Variants in ALKBH1 observed in about 807,000 individuals in gnomAD.
ALKBH1 encodes the protein alkB homolog 1, histone H2A dioxygenase.
Under a neutral mutation model 36.6 loss-of-function variants are expected in ALKBH1, and 31 were observed. The observed-to-expected ratio is 0.85, with a 90% CI of 0.64 to 1.14. The LOEUF is 1.14. Ranked by LOEUF, ALKBH1 falls within the 50% of genes most tolerant of loss-of-function variation. The probability of loss-of-function intolerance (pLI) is 0.00; values close to 1 mark genes in which losing one functional copy is unlikely to be tolerated. For missense variants in ALKBH1, 490 were observed against 497.3 expected (o/e 0.99, Z 0.14); for synonymous variants, 183 against 186.6 (o/e 0.98, Z 0.16).
intron 3 of ALKBH1, among the ~76,000 whole-genome samples, chr14:77,686,652 T>G (rs2080270007): frequency 6.6e-6 from 1 of 152,092 alleles, no homozygotes; most frequent in Non-Finnish European, 1.5e-5. Context: ...TGAGACAGAG[T>G]CTCGTTTTGT....
rs2139845600 is a variant in ALKBH1 at position 77,679,906 on chromosome 14, C to A, written c.520G>T (p.Gly174Cys). The A allele has an allele frequency of 6.2e-7, 1 of 1,614,082 alleles. No homozygotes were observed. Among genetic ancestry groups the A allele is most frequent in the Non-Finnish European group, 8.5e-7 (1 of 1,179,964 alleles). ...LLEKLRWVTVGYHYNWDSKKY... is the reference protein window; with the variant it reads ...LLEKLRWVTVCYHYNWDSKKY... ...TTACTGTCCCAGTTATAATGGTAGC[C>A]TACGGTCACCCAACGCAGTTTCTCC... Residue 174 changes from glycine (G) to cysteine (C), a missense_variant, in exon 4 of 6, where the codon GGC (glycine) becomes TGC (cysteine). Transcript: ENST00000216489.
intron 3 of ALKBH1, among the ~76,000 whole-genome samples, chr14:77,689,716 A>G (rs965878824): frequency 2.0e-5 from 3 of 152,194 alleles, no homozygotes; most frequent in African/African-American, 7.2e-5. Flanking sequence ...GGAGAGGATT[A>G]ATTCTGCTTC....
chr14:77,698,760 T>C (rs1000639945), intron 2 of ALKBH1, among the ~76,000 whole-genome samples: 29 of 152,188 alleles, frequency 1.9e-4, no homozygotes, highest in African/African-American at 6.7e-4. Context: ...AGTTATTTGG[T>C]CTCTTTATTT....
In ALKBH1 at chr14:77,694,748, C is replaced by G; in HGVS notation, c.445G>C (p.Glu149Gln). 6.3e-7 allele frequency: 1 copy of G among 1,590,090 alleles called. No individual in the cohort carries two copies. The highest frequency in any genetic ancestry group is 8.5e-7 in the Non-Finnish European group (1 of 1,170,642). The part of the protein sequence containing the change: ...ETQDLWEQSK[E>Q]FLRYKEATKR... ...ATTGACAAGACTTACCTCAGGAACT[C>G]TTTGCTCTGTTCCCACAGATCTTGG... Residue 149 changes from glutamate to glutamine, a missense_variant, in exon 3 of 6, where the codon GAG (glutamate) becomes CAG (glutamine). Coordinates refer to ENST00000216489, the MANE Select transcript of ALKBH1 (RefSeq NM_006020.3).
intron 3 of ALKBH1, among the ~76,000 whole-genome samples, chr14:77,682,970 T>C (rs2080246409): frequency 6.6e-6 from 1 of 152,168 alleles, no homozygotes; most frequent in Non-Finnish European, 1.5e-5. Flanking sequence ...GTGCTGGGAT[T>C]ACAGGCGTGA....
At chr14:77,679,558 G>C (rs1488160072) in intron 4 of ALKBH1, among the ~76,000 whole-genome samples, 2 of 152,076 alleles carry the variant, frequency 1.3e-5, no homozygotes, top group Non-Finnish European at 2.9e-5. Context: ...AGCCTCTTGA[G>C]TAGCTGGGAC....
chr14:77,685,519 G>A (rs1226737436), intron 3 of ALKBH1, among the ~76,000 whole-genome samples: 1 of 152,036 alleles, frequency 6.6e-6, no homozygotes, highest in Non-Finnish European at 1.5e-5. Flanking sequence ...GCTCACGCTT[G>A]TAATCCTAGC....
At chr14:77,691,567 G>A (rs1169564938) in intron 3 of ALKBH1, among the ~76,000 whole-genome samples, 3 of 152,108 alleles carry the variant, frequency 2.0e-5, no homozygotes, top group East Asian at 1.9e-4. Flanking sequence ...ACTGAAGCAC[G>A]TATCACATAG....
chr14:77,681,865 T>G (rs917827583), intron 3 of ALKBH1, among the ~76,000 whole-genome samples: 2 of 152,230 alleles, frequency 1.3e-5, no homozygotes, highest in Admixed American at 1.3e-4. Context: ...TTTCACAGAT[T>G]TTGTCACAAC....
rs376081745 is a variant in ALKBH1 at position 77,704,465 on chromosome 14, G to A, written c.196C>T (p.Gln66Ter). ...GPGAQKVIKS[Q>*]LNVSSVSEQN... ...TCACTGACAGAAGACACATTTAGCTGAGATTTGATCACCTGGCAGGAAGGA... is the reference window on the plus strand; with the variant it reads ...TCACTGACAGAAGACACATTTAGCTAAGATTTGATCACCTGGCAGGAAGGA... Residue 66 changes from glutamine to a stop codon, truncating the protein, a stop_gained, in exon 2 of 6, where the codon CAG becomes TAG. Coordinates refer to ENST00000216489, the MANE Select transcript of ALKBH1 (RefSeq NM_006020.3). LOFTEE classifies it high-confidence loss of function. 413 of 1,613,814 alleles carry A rather than the reference G, an allele frequency of 2.6e-4. No individual in the cohort carries two copies. The highest frequency in any genetic ancestry group is 3.3e-4 in the Non-Finnish European group (395 of 1,179,866).
chr14:77,707,708 G>C (rs2080403577), intron 1 of ALKBH1, 114 bp downstream of exon 1: 4 of 1,248,008 alleles, frequency 3.2e-6, no homozygotes, highest in South Asian at 3.4e-5. Context: ...AGGAGGTCAG[G>C]AATCGTTCAA....
intron 5 of ALKBH1, 63 bp downstream of exon 5, chr14:77,675,593 A>C (rs1159105958): frequency 6.9e-7 from 1 of 1,450,116 alleles, no homozygotes; most frequent in East Asian, 2.3e-5. Context: ...TTTTAGAGTA[A>C]AATGTCTTAG....
rs183205745 is a variant in ALKBH1 at position 77,680,291 on chromosome 14, G to C, written c.456-321C>G. ...GAGAAATGTCTTTACCTGTCCATGG[G>C]AAATGGTACCAAGAGCACTATGGGC... On this transcript the variant is annotated intron_variant, in intron 3 of 5. Transcript: ENST00000216489. Among the ~76,000 whole-genome samples the C allele has an allele frequency of 3.9e-5, 6 of 152,278 alleles. No homozygotes were observed. The East Asian group carries it at 1.2e-3, about 29-fold the overall frequency.
chr14:77,687,615 T>C (rs2080275081), intron 3 of ALKBH1, among the ~76,000 whole-genome samples: 1 of 152,202 alleles, frequency 6.6e-6, no homozygotes. Context: ...TCTAGTTTCT[T>C]AGTTTTCATT....
chr14:77,707,270 G>C (rs1424714912), intron 1 of ALKBH1, among the ~76,000 whole-genome samples: 1 of 152,140 alleles, frequency 6.6e-6, no homozygotes, highest in Non-Finnish European at 1.5e-5. Flanking sequence ...ATCTCCATGG[G>C]GAAAAGCTGA....
At chr14:77,695,043 GGTT>G in intron 2 of ALKBH1, 143 bp from the exon 3 acceptor site, 2 of 583,102 alleles carry the variant, frequency 3.4e-6, no homozygotes, top group Non-Finnish European at 5.3e-6. Flanking sequence ...TGAACAGGTA[GGTT>G]TTGATGAACA....
chr14:77,674,362 C>A, intron 5 of ALKBH1, 121 bp from the exon 6 acceptor site: 1 of 1,127,746 alleles, frequency 8.9e-7, no homozygotes, highest in Admixed American at 2.9e-5. Context: ...ATTTATTGCT[C>A]CCAAATCCTC....
At chr14:77,698,064 G>C (rs1028020122) in intron 2 of ALKBH1, among the ~76,000 whole-genome samples, 1 of 151,962 alleles carries the variant, frequency 6.6e-6, no homozygotes, top group African/African-American at 2.4e-5. Context: ...GTCTGGAGAG[G>C]GGGCAATAAA....
At chr14:77,680,101 A>T (rs1318047834) in intron 3 of ALKBH1, 131 bp from the exon 4 acceptor site, 3 of 657,980 alleles carry the variant, frequency 4.6e-6, no homozygotes, top group African/African-American at 3.6e-5. Context: ...AGGAGAAATT[A>T]GAAGAGATAA....
Sources: gnomAD v4.1 joint callset for allele counts (sites outside exome capture counted in the v4.1 genomes callset) on GRCh38, gnomAD v4.1.1 for gene constraint, MANE v1.5 for transcripts, NCBI Gene and HGNC (gene_info 2026-07-23, HGNC 2026-07-21) for gene names.